Variants in SIPA1L2 observed in about 807,000 individuals in gnomAD.
SIPA1L2 encodes the protein signal induced proliferation associated 1 like 2.
SIPA1L2 carries 56 observed loss-of-function variants against 163.9 expected under a neutral mutation model. The ratio of observed to expected loss-of-function variants is 0.34; its 90% CI spans 0.28 to 0.43. The LOEUF is 0.43. Among genes scored for constraint, SIPA1L2 ranks in the 20% least tolerant of loss-of-function variants. The pLI is 1.00. For synonymous variants in SIPA1L2, 877 were observed against 865.7 expected (o/e 1.01, Z -0.23); for missense variants, 1,974 against 2,193.5 (o/e 0.90, Z 2.00).
At chr1:232,629,626 A>G (rs1213054802) in intron 1 of SIPA1L2, among the ~76,000 whole-genome samples, 1 of 152,154 alleles carries the variant, frequency 6.6e-6, no homozygotes, top group Non-Finnish European at 1.5e-5. Context: ...GATAACTTGG[A>G]GAGAACAGGC....
At chr1:232,513,099 A>G (rs1667057462) in intron 3 of SIPA1L2, among the ~76,000 whole-genome samples, 1 of 152,224 alleles carries the variant, frequency 6.6e-6, no homozygotes, top group Non-Finnish European at 1.5e-5. Flanking sequence ...TTTCCTCGGC[A>G]TGTGTTACTG....
At chr1:232,579,094 A>G (rs1660230106) in intron 1 of SIPA1L2, among the ~76,000 whole-genome samples, 1 of 152,206 alleles carries the variant, frequency 6.6e-6, no homozygotes, top group Non-Finnish European at 1.5e-5. Context: ...TGTGAAAACC[A>G]GATTTGCAGA....
At chr1:232,542,658 TA>T (rs1657756126) in intron 2 of SIPA1L2, among the ~76,000 whole-genome samples, 1 of 152,116 alleles carries the variant, frequency 6.6e-6, no homozygotes, top group African/African-American at 2.4e-5. Flanking sequence ...GGGGCTAAGT[TA>T]AAGGAACTGA....
In SIPA1L2 at chr1:232,428,361, T is replaced by A. The variant is rs766278520; in HGVS notation, c.4410+50A>T. On this transcript the variant is annotated intron_variant, in intron 17 of 22. Transcript: ENST00000674635. ...TGAGTTTCTTTAGACTTTTTTTTTT[T>A]TTTTTTTTTTAGTGTTTCTGGTAAC... 2.1e-5 allele frequency: 27 copies of A among 1,296,112 alleles called. No homozygotes were observed. The African/African-American group carries it at 4.2e-4, about 20-fold the overall frequency. 80.3% of individuals were successfully genotyped at this position (1,296,112 alleles called of 1,614,324 possible). A position where few individuals can be genotyped will look rare whatever the true frequency, so the allele number is the denominator to read the frequency against.
At chr1:232,536,144 G>A (rs35424499) in intron 2 of SIPA1L2, among the ~76,000 whole-genome samples, 21,313 of 152,186 alleles carry the variant, frequency 0.14, 1,654 homozygotes, top group Middle Eastern at 0.29. Flanking sequence ...ATCTGAGAGC[G>A]CAGGAGCTGG....
At chr1:232,575,018 C>T (rs1351759106) in intron 1 of SIPA1L2, among the ~76,000 whole-genome samples, 2 of 152,210 alleles carry the variant, frequency 1.3e-5, no homozygotes, top group South Asian at 2.1e-4. Context: ...CTCAAGTCAT[C>T]TGGACTCCTA....
chr1:232,427,599 A>G lies in SIPA1L2; in HGVS notation c.4410+812T>C, dbSNP rs568039271. ...ATCTGGGGCCTCAGTTACTTGCTAAATGGGGTGATTGGGCTAAATCGCCTT... is the reference window on the plus strand; with the variant it reads ...ATCTGGGGCCTCAGTTACTTGCTAAGTGGGGTGATTGGGCTAAATCGCCTT... On this transcript the variant is annotated intron_variant, in intron 17 of 22. Transcript: ENST00000674635. Among the ~76,000 whole-genome samples, 210 of 145,740 alleles carry G rather than the reference A, an allele frequency of 1.4e-3. 1 individual carries two copies. The highest frequency in any genetic ancestry group is 5.1e-3 in the African/African-American group (199 of 38,856).
intron 1 of SIPA1L2, among the ~76,000 whole-genome samples, chr1:232,582,934 G>A (rs1660458789): frequency 6.6e-6 from 1 of 152,160 alleles, no homozygotes; most frequent in Admixed American, 6.5e-5. Flanking sequence ...AGACTCGTTG[G>A]AAACCAATAC....
chr1:232,489,501 T>A (rs1053955621), intron 5 of SIPA1L2, among the ~76,000 whole-genome samples: 2 of 152,132 alleles, frequency 1.3e-5, no homozygotes, highest in Non-Finnish European at 2.9e-5. Context: ...TATGGTTTTT[T>A]TTTTTTAATA....
In SIPA1L2 at chr1:232,425,704, C is replaced by A; in HGVS notation, c.4515G>T (p.Arg1505=). The change falls in exon 18 of 23, where the codon CGG becomes CGT. Residue 1505 remains arginine, a synonymous_variant. Coordinates refer to ENST00000674635, the MANE Select transcript of SIPA1L2 (RefSeq NM_020808.5). ...NRRGSSFGSS[R]SSVLDQALPN... ...GCAGGGCCTGGTCAAGCACGGAACTCCGGGAACTGCCAAAGGAGGACCCCC... is the reference window on the plus strand; with the variant it reads ...GCAGGGCCTGGTCAAGCACGGAACTACGGGAACTGCCAAAGGAGGACCCCC... 6.2e-7 allele frequency: 1 copy of A among 1,614,054 alleles called. No individual in the cohort carries two copies. Among genetic ancestry groups the A allele is most frequent in the Non-Finnish European group, 8.5e-7 (1 of 1,179,994 alleles).
At chr1:232,587,030 G>A (rs866205668) in intron 1 of SIPA1L2, among the ~76,000 whole-genome samples, 74 of 152,202 alleles carry the variant, frequency 4.9e-4, no homozygotes, top group African/African-American at 1.6e-3. Context: ...ACAGGAAGGT[G>A]GGATGGGAGG....
intron 1 of SIPA1L2, among the ~76,000 whole-genome samples, chr1:232,623,097 G>A (rs1402013653): frequency 6.6e-6 from 1 of 152,180 alleles, no homozygotes; most frequent in Non-Finnish European, 1.5e-5. Context: ...GGAAGTTACT[G>A]GAGATACAAG....
chr1:232,575,694 A>G (rs763002347), intron 1 of SIPA1L2, among the ~76,000 whole-genome samples: 1 of 152,262 alleles, frequency 6.6e-6, no homozygotes, highest in Non-Finnish European at 1.5e-5. Flanking sequence ...AAGAACTGAA[A>G]GCAGGATCTC....
chr1:232,601,632 A>T (rs1164614525), intron 1 of SIPA1L2, among the ~76,000 whole-genome samples: 6 of 152,172 alleles, frequency 3.9e-5, no homozygotes, highest in African/African-American at 1.4e-4. Context: ...GATTCAGAAA[A>T]ACTGAAGACA....
chr1:232,599,204 T>TA (rs923977343), intron 1 of SIPA1L2, among the ~76,000 whole-genome samples: 4 of 152,086 alleles, frequency 2.6e-5, no homozygotes, highest in African/African-American at 9.7e-5. Context: ...ATTACATATT[T>TA]AAAAAAACAA....
At chr1:232,427,347 G>C (rs1336412072) in intron 17 of SIPA1L2, among the ~76,000 whole-genome samples, 1 of 152,206 alleles carries the variant, frequency 6.6e-6, no homozygotes, top group Non-Finnish European at 1.5e-5. Flanking sequence ...TGTCTAATTA[G>C]AGTGTTGTTC....
At chr1:232,580,090 T>C (rs1660294875) in intron 1 of SIPA1L2, among the ~76,000 whole-genome samples, 1 of 152,198 alleles carries the variant, frequency 6.6e-6, no homozygotes, top group Admixed American at 6.5e-5. Flanking sequence ...CTTGATTACA[T>C]GCTAAATAAG....
rs145116524 is a variant in SIPA1L2, at chr1:232,559,429, A to G, written c.-270+14745T>C. ...CCTGGGAACTGCACAGGCAGGAAGA[A>G]TAAACCTCCTTTTGCCCCGGTCAGT... On this transcript the variant is annotated intron_variant, in intron 2 of 22. Coordinates refer to ENST00000674635, the MANE Select transcript of SIPA1L2 (RefSeq NM_020808.5). 5.0e-3 allele frequency among the ~76,000 whole-genome samples: 769 copies of G among 152,330 alleles called. 8 individuals carry two copies. The highest frequency in any genetic ancestry group is 0.017 in the African/African-American group (705 of 41,578).
At chr1:232,604,002 G>GCTTT (rs1661753181) in intron 1 of SIPA1L2, among the ~76,000 whole-genome samples, 1 of 152,116 alleles carries the variant, frequency 6.6e-6, no homozygotes, top group African/African-American at 2.4e-5. Context: ...ATCAGACTAT[G>GCTTT]CTTTTTAAGA....
Sources: allele counts gnomAD v4.1 joint callset (sites outside exome capture counted in the v4.1 genomes callset), GRCh38; gene constraint gnomAD v4.1.1; transcripts MANE v1.5; gene names NCBI Gene and HGNC (gene_info 2026-07-23, HGNC 2026-07-21).